PDZD2: variants seen among roughly 807,000 people sequenced by gnomAD.
The protein encoded by PDZD2 is PDZ domain containing 2, also known as PDZ domain-containing protein 2.
A neutral mutation model predicts 220.7 loss-of-function variants in PDZD2; 90 were observed. That is an observed-to-expected ratio of 0.41 (90% CI 0.34 to 0.49). The LOEUF (loss-of-function observed/expected upper bound fraction) is 0.49, where lower values mean the gene tolerates loss of function less well. PDZD2 is among the 20% of genes least tolerant of loss of function. The probability of loss-of-function intolerance (pLI) is 0.28; values close to 1 mark genes in which losing one functional copy is unlikely to be tolerated. For missense variants in PDZD2, 3,174 were observed against 3,608.5 expected, an observed-to-expected ratio of 0.88 and a Z score of 3.08; for synonymous variants, 1,375 against 1,450.5, an observed-to-expected ratio of 0.95 and a Z score of 1.18.
intron 1 of PDZD2, chr5:31,744,123 G>A (rs1026219439): frequency 2.0e-5 from 3 of 152,214 alleles, no homozygotes; most frequent in African/African-American, 7.2e-5. Flanking sequence ...TTTCTAAAGA[G>A]TTTATAGGTG....
At chr5:32,082,677 T>G (rs76882028) in intron 19 of PDZD2, among the ~76,000 whole-genome samples, 3,021 of 152,306 alleles carry the variant, frequency 0.02, 110 homozygotes, top group African/African-American at 0.069. Flanking sequence ...TGTGTATATA[T>G]CTGCCTAGTA....
rs373063041 is a variant in PDZD2 at position 32,059,941 on chromosome 5, A to G, written c.2318+585A>G. ...CGTTCTGTTTACACAAGAAATATCT[A>G]GGTGTTCTATTATATAGAAATTGCA... On this transcript the variant is annotated intron_variant, in intron 13 of 24. Coordinates refer to ENST00000438447, the MANE Select transcript of PDZD2 (RefSeq NM_178140.4). 1.9e-3 allele frequency among the ~76,000 whole-genome samples: 292 copies of G among 152,324 alleles called. 2 individuals carry two copies. Among genetic ancestry groups the G allele is most frequent in the African/African-American group, 6.8e-3 (281 of 41,574 alleles).
intron 8 of PDZD2, among the ~76,000 whole-genome samples, chr5:32,049,224 C>T (rs544506003): frequency 2.0e-5 from 3 of 152,282 alleles, no homozygotes; most frequent in East Asian, 1.9e-4. Flanking sequence ...GATCCGGACT[C>T]CACAGCCCTG....
chr5:31,849,947 T>TAC (rs1462686978), intron 2 of PDZD2, among the ~76,000 whole-genome samples: 1 of 25,532 alleles, frequency 3.9e-5, no homozygotes, highest in South Asian at 1.4e-3. Context: ...TATATATATA[T>TAC]ACATATATAT....
At position 31,878,555 on chromosome 5, in the gene PDZD2, C is replaced by CTTTTTTTTTTTTTTTTTTTTTTTTT. The variant is rs397884384; in HGVS notation, c.476+78855_476+78856insTTTTTTTTTTTTTTTTTTTTTTTTT. On this transcript the variant is annotated intron_variant, in intron 2 of 24. Coordinates refer to ENST00000438447, the MANE Select transcript of PDZD2 (RefSeq NM_178140.4). The stretch of plus-strand genomic sequence containing the variant: ...TTCTTTGGTGGTCAGATGACCTCGG[C>CTTTTTTTTTTTTTTTTTTTTTTTTT]TTTTTTTTTTTTTTTTTTTTTTTTG... 3.5e-4 allele frequency among the ~76,000 whole-genome samples: 17 copies of CTTTTTTTTTTTTTTTTTTTTTTTTT among 48,198 alleles called. 2 individuals are homozygous for CTTTTTTTTTTTTTTTTTTTTTTTTT. The highest frequency in any genetic ancestry group is 6.3e-4 in the African/African-American group (9 of 14,372). 31.6% of individuals were successfully genotyped at this position (48,198 alleles called of 152,430 possible).
chr5:31,800,325 T>G (rs939220027), intron 2 of PDZD2, among the ~76,000 whole-genome samples: 1 of 152,202 alleles, frequency 6.6e-6, no homozygotes, highest in African/African-American at 2.4e-5. Flanking sequence ...TCTCTCCCAG[T>G]GGAGTTGTGC....
chr5:31,916,835 C>T (rs1415526592), intron 2 of PDZD2, among the ~76,000 whole-genome samples: 4 of 152,152 alleles, frequency 2.6e-5, no homozygotes, highest in Non-Finnish European at 4.4e-5. Flanking sequence ...CTTGATGGGA[C>T]AGTTCACTTG....
At chr5:31,903,668 GAAAAA>G (rs1316851284) in intron 2 of PDZD2, among the ~76,000 whole-genome samples, 1 of 141,598 alleles carries the variant, frequency 7.1e-6, no homozygotes, top group Non-Finnish European at 1.6e-5. Flanking sequence ...AAAAAAGAAA[GAAAAA>G]AGAAAAAGAA....
chr5:32,074,629 G>A lies in PDZD2; in HGVS notation c.3523G>A (p.Gly1175Arg). 6.2e-7 allele frequency: 1 copy of A among 1,604,018 alleles called. No homozygotes were observed. The highest frequency in any genetic ancestry group is 8.5e-7 in the Non-Finnish European group (1 of 1,175,356). Reference protein sequence around the residue: ...KVTVAGFQPGGAVEKESLGKL... With the variant: ...KVTVAGFQPGRAVEKESLGKL... ...GACTGTCGCTGGCTTTCAGCCAGGT[G>A]GAGCTGTGGAGAAGGTAACTGACTT... The change falls in exon 18 of 25, where the codon GGA becomes AGA. Residue 1175 changes from glycine (G) to arginine (R), a missense_variant. Physicochemically the swap from Gly to Arg is moderately radical, Grantham distance 125. Around this residue, in one of 4 missense-constraint regions of PDZD2, gnomAD observed 1,861 missense variants for 2,001.0 expected, o/e 0.93. Coordinates refer to ENST00000438447, the MANE Select transcript of PDZD2 (RefSeq NM_178140.4).
In PDZD2 at chr5:31,640,000, G is replaced by A. The variant is rs533353779; in HGVS notation, c.-361+563G>A. 6.6e-6 allele frequency among the ~76,000 whole-genome samples: 1 copy of A among 152,106 alleles called. No individual in the cohort carries two copies. The highest frequency in any genetic ancestry group is 1.5e-5 in the Non-Finnish European group (1 of 68,024). ...GGGCCGGTTATTGGCGTCTGCCGGGGAGATGGGGAACATAGTGATAGGGAA... is the reference window on the plus strand; with the variant it reads ...GGGCCGGTTATTGGCGTCTGCCGGGAAGATGGGGAACATAGTGATAGGGAA... On this transcript the variant is annotated intron_variant, in intron 1 of 24. Coordinates refer to ENST00000438447, the MANE Select transcript of PDZD2 (RefSeq NM_178140.4). This position sits in a 1 kb window ranked among gnomAD's most constrained non-coding sequence, Gnocchi z 4.1.
intron 2 of PDZD2, among the ~76,000 whole-genome samples, chr5:31,897,635 C>A (rs1675439626): frequency 6.6e-6 from 1 of 152,102 alleles, no homozygotes; most frequent in African/African-American, 2.4e-5. Flanking sequence ...AAGTAGCATG[C>A]AGAAAGTTTC....
intron 1 of PDZD2, among the ~76,000 whole-genome samples, chr5:31,785,590 A>G (rs1310201330): frequency 6.6e-6 from 1 of 151,884 alleles, no homozygotes; most frequent in Non-Finnish European, 1.5e-5. Flanking sequence ...ACAGGTGTGC[A>G]GCACCAGACC....
intron 1 of PDZD2, among the ~76,000 whole-genome samples, chr5:31,760,930 TAATA>T (rs1004059774): frequency 2.6e-5 from 4 of 151,870 alleles, no homozygotes; most frequent in Non-Finnish European, 2.9e-5. Flanking sequence ...CTCAAAAAAA[TAATA>T]AATAAATAAA....
chr5:31,663,037 A>AT (rs1184269378), intron 1 of PDZD2, among the ~76,000 whole-genome samples: 3 of 152,260 alleles, frequency 2.0e-5, no homozygotes, highest in Admixed American at 6.5e-5. Context: ...CACCTCTCAC[A>AT]TGAAAACAAT....
intron 14 of PDZD2, among the ~76,000 whole-genome samples, chr5:32,067,205 A>G (rs1740292246): frequency 6.6e-6 from 1 of 152,172 alleles, no homozygotes; most frequent in Non-Finnish European, 1.5e-5. Context: ...GTTGCTGCCC[A>G]GTTGGGTTAC....
At chr5:32,003,181 CCA>C (rs1231207272) in intron 5 of PDZD2, among the ~76,000 whole-genome samples, 12 of 125,848 alleles carry the variant, frequency 9.5e-5, no homozygotes, top group African/African-American at 2.9e-4. Flanking sequence ...ACACCATACA[CCA>C]CACACACACT....
intron 1 of PDZD2, among the ~76,000 whole-genome samples, chr5:31,647,854 G>T (rs543322900): frequency 6.6e-6 from 1 of 152,140 alleles, no homozygotes; most frequent in Non-Finnish European, 1.5e-5. Context: ...TTGTGGTTAC[G>T]GAATTCTCTG....
chr5:31,869,632 T>G (rs993938609), intron 2 of PDZD2, among the ~76,000 whole-genome samples: 1 of 152,180 alleles, frequency 6.6e-6, no homozygotes, highest in Non-Finnish European at 1.5e-5. Context: ...TAGCTTGGAA[T>G]ATTGTCCATT....
At chr5:31,768,154 C>T (rs536952285) in intron 1 of PDZD2, among the ~76,000 whole-genome samples, 56 of 152,256 alleles carry the variant, frequency 3.7e-4, no homozygotes, top group Middle Eastern at 3.4e-3. Context: ...CAAAGTCTCA[C>T]GTCAAAGAGG....
Sources: allele counts gnomAD v4.1 joint callset (sites outside exome capture counted in the v4.1 genomes callset), GRCh38; gene constraint gnomAD v4.1.1; regional missense constraint gnomAD v4.1.1; non-coding constraint Gnocchi (gnomAD v3.1); transcripts MANE v1.5; gene names NCBI Gene and HGNC (gene_info 2026-07-23, HGNC 2026-07-21).